SIK2: variants seen among roughly 807,000 people sequenced by gnomAD.
SIK2 encodes the protein serine/threonine-protein kinase SIK2.
In SIK2, 29 loss-of-function variants were observed where a neutral mutation model predicts 103.2. The ratio of observed to expected loss-of-function variants is 0.28; its 90% confidence interval spans 0.21 to 0.38. SIK2 has a LOEUF of 0.38. SIK2 is among the 10% of genes least tolerant of loss of function. The pLI, the probability that SIK2 is intolerant of heterozygous loss-of-function variation, is 1.00. For synonymous variants in SIK2, 412 were observed against 446.1 expected (o/e 0.92, Z 0.96); for missense variants, 879 against 1,171.0 (o/e 0.75, Z 3.64).
Position 111,720,963 on chromosome 11 carries a change from C to T in SIK2, c.1845C>T (p.Asn615=). Residue 615 remains asparagine (N), a synonymous_variant, in exon 12 of 15, where the codon AAC becomes AAT. Transcript: ENST00000304987. ...GAACCAAAGGAATTCTAGAGTTGAA[C>T]AAAGTGCAGTTGTTGTATGAACAAA... ...LARTKGILEL[N]KVQLLYEQIG... The T allele has an allele frequency of 1.2e-6, 2 of 1,614,148 alleles. No homozygotes were observed. Among genetic ancestry groups the T allele is most frequent in the Non-Finnish European group, 1.7e-6 (2 of 1,180,026 alleles).
intron 8 of SIK2, among the ~76,000 whole-genome samples, chr11:111,711,428 A>AT (rs1252357105): frequency 6.6e-6 from 1 of 152,066 alleles, no homozygotes; most frequent in Non-Finnish European, 1.5e-5. Context: ...GCCTTAAATG[A>AT]TTTTTTAAAA....
At chr11:111,704,073 G>A (rs934317222) in intron 7 of SIK2, among the ~76,000 whole-genome samples, 2 of 152,174 alleles carry the variant, frequency 1.3e-5, no homozygotes, top group African/African-American at 4.8e-5. Context: ...ATCAAATGCC[G>A]CCTTGTTTGC....
intron 1 of SIK2, 130 bp from the exon 2 acceptor site, chr11:111,616,113 G>A (rs1440685300): frequency 4.9e-6 from 3 of 607,934 alleles, no homozygotes; most frequent in Non-Finnish European, 8.8e-6. Flanking sequence ...AATGAACATT[G>A]AATTTAAACT....
intron 1 of SIK2, among the ~76,000 whole-genome samples, chr11:111,612,915 G>GACATATATATATATATAT (rs1555024097): frequency 2.0e-5 from 1 of 50,028 alleles, no homozygotes; most frequent in African/African-American, 6.3e-5. Context: ...ATAGCAATGG[G>GACATATATATATATATAT]ATATATATAT....
At chr11:111,720,119 T>C (rs1470844889) in intron 10 of SIK2, 116 bp downstream of exon 10, 5 of 1,008,514 alleles carry the variant, frequency 5.0e-6, no homozygotes, top group African/African-American at 1.6e-5. Context: ...AGCTTATTCC[T>C]TTATGGATTA....
intron 1 of SIK2, among the ~76,000 whole-genome samples, chr11:111,606,846 G>A (rs1941655192): frequency 6.6e-6 from 1 of 151,876 alleles, no homozygotes; most frequent in African/African-American, 2.4e-5. Context: ...AGGCTAGATG[G>A]CTGACACCTG....
Position 111,730,313 on chromosome 11 carries a change from G to A in SIK2, c.*6184G>A. On this transcript the variant is annotated 3_prime_UTR_variant, in exon 15 of 15. Transcript: ENST00000304987. ...TGTCTGTCTGCAGAAGATTTGCTCA[G>A]TCAAGGAAATTCAAGTGGTGAGACC... is the stretch of plus-strand genomic sequence containing the variant. The A allele has an allele frequency of 6.6e-6, 1 of 152,214 alleles. No homozygotes were observed. The highest frequency in any genetic ancestry group is 1.5e-5 in the Non-Finnish European group (1 of 68,044). The allele number at this position is 152,214 out of a possible 1,614,324, so 9.4% of individuals were successfully genotyped here. A position where few individuals can be genotyped will look rare whatever the true frequency, so the allele number is the denominator to read the frequency against.
At position 111,726,744 on chromosome 11, in the gene SIK2, T is replaced by C. The variant is rs1943980616; in HGVS notation, c.*2615T>C. 2 of 566,512 alleles carry C rather than the reference T, an allele frequency of 3.5e-6. No homozygotes were observed. Among genetic ancestry groups the C allele is most frequent in the East Asian group, 2.9e-5 (1 of 34,728 alleles). The allele number at this position is 566,512 out of a possible 1,614,324, so 35.1% of individuals were successfully genotyped here. A position where few individuals can be genotyped will look rare whatever the true frequency, so the allele number is the denominator to read the frequency against. ...AAACACTAAGAAGGCTTAGTATCGC[T>C]CTTTTTCTGCGGGGCTACTCTGAAG... On this transcript the variant is annotated 3_prime_UTR_variant, in exon 15 of 15. Transcript: ENST00000304987.
Position 111,705,248 on chromosome 11 carries a change from T to G in SIK2, c.1101+109T>G. The G allele has an allele frequency of 4.2e-6, 5 of 1,203,416 alleles. No homozygotes were observed. The highest frequency in any genetic ancestry group is 5.4e-6 in the Non-Finnish European group (5 of 928,738). The allele number at this position is 1,203,416 out of a possible 1,614,324, so 74.5% of individuals were successfully genotyped here. A position where few individuals can be genotyped will look rare whatever the true frequency, so the allele number is the denominator to read the frequency against. Reference sequence around the variant, plus strand: ...AGGATTTCATCCTCTACACTCCGTTTTTCTGTAAAATTTCTGCCTGCCATT... The same window carrying G: ...AGGATTTCATCCTCTACACTCCGTTGTTCTGTAAAATTTCTGCCTGCCATT... On this transcript the variant is annotated intron_variant, in intron 8 of 14. Coordinates refer to ENST00000304987, the MANE Select transcript of SIK2 (RefSeq NM_015191.3). This position sits in a 1 kb window ranked among gnomAD's most constrained non-coding sequence, Gnocchi z 4.3.
intron 1 of SIK2, among the ~76,000 whole-genome samples, chr11:111,607,959 T>C (rs976917574): frequency 1.3e-5 from 2 of 152,220 alleles, no homozygotes; most frequent in Non-Finnish European, 2.9e-5. Context: ...GAAACTGGCC[T>C]ATCTTCTTGG....
rs200906751 is a variant in SIK2, at chr11:111,703,268, A to G, written c.793A>G (p.Ile265Val). The change falls in exon 7 of 15, where the codon ATC (isoleucine) becomes GTC (valine). Residue 265 changes from isoleucine (I) to valine (V), a missense_variant. Coordinates refer to ENST00000304987, the MANE Select transcript of SIK2 (RefSeq NM_015191.3). ...DPSKRLTIAQ[I>V]KEHKWMLIEV... ...ATCCAAACGGCTAACCATAGCCCAA[A>G]TCAAGGAGCATAAATGGATGCTCAT... 9 of 1,614,194 alleles carry G rather than the reference A, an allele frequency of 5.6e-6. No homozygotes were observed. In the Admixed American group the frequency reaches 8.3e-5, roughly 15 times the overall value.
At position 111,657,154 on chromosome 11, in the gene SIK2, T is replaced by C. The variant is rs185077597; in HGVS notation, c.317-30847T>C. On this transcript the variant is annotated intron_variant, in intron 3 of 14. Transcript: ENST00000304987. ...AGGATTTTTAAAAATGAGATGGCAT[T>C]TGAATTGGAACTTGAAGGACTATTG... Among the ~76,000 whole-genome samples the C allele has an allele frequency of 1.6e-4, 25 of 152,320 alleles. No homozygotes were observed. In the East Asian group the frequency reaches 4.6e-3, roughly 28 times the overall value.
intron 3 of SIK2, among the ~76,000 whole-genome samples, chr11:111,677,649 G>A (rs1185710403): frequency 2.2e-5 from 3 of 134,872 alleles, no homozygotes; most frequent in African/African-American, 5.7e-5. Context: ...GGCTAGTCTC[G>A]AACCCCTGAC....
rs1943863138 is a variant in SIK2, at chr11:111,723,366, C to T, written c.2148-130C>T. 1.1e-5 allele frequency: 11 copies of T among 1,004,142 alleles called. No homozygotes were observed. The South Asian group carries it at 1.5e-4, about 14-fold the overall frequency. 62.2% of individuals were successfully genotyped at this position (1,004,142 alleles called of 1,614,324 possible). On this transcript the variant is annotated intron_variant, in intron 14 of 14. Transcript: ENST00000304987. ...GACCCAACACAATTGGTTCCCATTC[C>T]CACTTGTTTTTGCTGACATGAGAGA...
intron 1 of SIK2, among the ~76,000 whole-genome samples, chr11:111,612,974 A>G (rs1370587901): frequency 6.7e-6 from 1 of 148,620 alleles, no homozygotes; most frequent in African/African-American, 2.5e-5. Context: ...ATAGATGGAT[A>G]AAGTCTGTGA....
At chr11:111,667,929 A>G (rs972744662) in intron 3 of SIK2, among the ~76,000 whole-genome samples, 1 of 152,248 alleles carries the variant, frequency 6.6e-6, no homozygotes, top group African/African-American at 2.4e-5. Context: ...TAATTCGAGA[A>G]TGACATTTCA....
At chr11:111,650,517 G>A (rs1774023706) in intron 3 of SIK2, among the ~76,000 whole-genome samples, 1 of 152,114 alleles carries the variant, frequency 6.6e-6, no homozygotes, top group East Asian at 1.9e-4. Context: ...TGATGCTCTA[G>A]TAGAGTTATA....
rs1239973634 is a variant in SIK2 at position 111,701,835 on chromosome 11, AG to A, written c.727+262del. On this transcript the variant is annotated intron_variant, in intron 6 of 14. Coordinates refer to ENST00000304987, the MANE Select transcript of SIK2 (RefSeq NM_015191.3). This position sits in a 1 kb window ranked among gnomAD's most constrained non-coding sequence, Gnocchi z 4.2. ...TTCATTCTGGGTCTATAAATGTCCC[AG>A]GTTTATTTTAGATTTAACGAAGCCC... is the stretch of plus-strand genomic sequence containing the variant. 6.6e-6 allele frequency among the ~76,000 whole-genome samples: 1 copy of A among 152,164 alleles called. No homozygotes were observed. Among genetic ancestry groups the A allele is most frequent in the African/African-American group, 2.4e-5 (1 of 41,442 alleles).
intron 3 of SIK2, among the ~76,000 whole-genome samples, chr11:111,638,816 T>C (rs895453468): frequency 6.6e-5 from 10 of 152,196 alleles, no homozygotes; most frequent in Admixed American, 4.6e-4. Context: ...GTTGTCCTTC[T>C]CCTGCTTATA....
Sources: gnomAD v4.1 joint callset for allele counts (sites outside exome capture counted in the v4.1 genomes callset) on GRCh38, gnomAD v4.1.1 for gene constraint, Gnocchi (gnomAD v3.1) non-coding constraint, MANE v1.5 for transcripts, NCBI Gene and HGNC (gene_info 2026-07-23, HGNC 2026-07-21) for gene names.